The following SLC24A2 variants were observed in gnomAD, a reference collection of about 807,000 sequenced individuals.
SLC24A2 encodes sodium/potassium/calcium exchanger 2.
In SLC24A2, 36 loss-of-function variants were observed where a neutral mutation model predicts 62.0. That is an observed-to-expected ratio of 0.58 (90% CI 0.44 to 0.77). The LOEUF (loss-of-function observed/expected upper bound fraction) is 0.77, where lower values mean the gene tolerates loss of function less well. Ranked by LOEUF, SLC24A2 falls within the 30% of genes least tolerant of loss-of-function variation. The pLI, the probability that SLC24A2 is intolerant of heterozygous loss-of-function variation, is 0.00. For synonymous variants in SLC24A2, 358 were observed against 294.0 expected, an observed-to-expected ratio of 1.22 and a Z score of -2.23; for missense variants, 846 against 817.9, an observed-to-expected ratio of 1.03 and a Z score of -0.42.
chr9:20,239,251 C>A, the SLC24A2 span, among the ~76,000 whole-genome samples: 1 of 152,120 alleles, frequency 6.6e-6, no homozygotes, highest in South Asian at 2.1e-4. Context: ...TCAGATAAAT[C>A]ACAAAAAAAT....
the SLC24A2 span, among the ~76,000 whole-genome samples, chr9:19,887,922 T>C: frequency 2.2e-3 from 342 of 152,306 alleles, 2 homozygotes; most frequent in African/African-American, 7.9e-3. Context: ...AAACATTGCA[T>C]GTTCTCACTC....
At chr9:19,925,501 C>G in the SLC24A2 span, among the ~76,000 whole-genome samples, 1 of 152,154 alleles carries the variant, frequency 6.6e-6, no homozygotes, top group East Asian at 1.9e-4. Context: ...CACATTAGTT[C>G]TTGCTGCCAA....
At chr9:19,973,236 A>G in the SLC24A2 span, among the ~76,000 whole-genome samples, 2 of 152,220 alleles carry the variant, frequency 1.3e-5, no homozygotes, top group African/African-American at 2.4e-5. Context: ...AGACACTGCA[A>G]TGTGCAATGC....
chr9:19,979,160 A>T, the SLC24A2 span, among the ~76,000 whole-genome samples: 1 of 152,194 alleles, frequency 6.6e-6, no homozygotes, highest in African/African-American at 2.4e-5. Flanking sequence ...ACCTGACATG[A>T]CAGCCTGTCC....
At chr9:19,969,183 C>CCACACACACACA in the SLC24A2 span, among the ~76,000 whole-genome samples, 2,636 of 122,216 alleles carry the variant, frequency 0.022, 62 homozygotes, top group Admixed American at 0.028. Flanking sequence ...ACCTCCTTTG[C>CCACACACACACA]CACACACACA....
intron 2 of SLC24A2, among the ~76,000 whole-genome samples, chr9:19,692,881 C>G (rs1327595674): frequency 1.3e-5 from 2 of 152,072 alleles, no homozygotes; most frequent in African/African-American, 4.8e-5. Context: ...AGCAAATTGT[C>G]TCATTTTTCA....
At chr9:19,659,383 G>A (rs1303791957) in intron 2 of SLC24A2, among the ~76,000 whole-genome samples, 1 of 152,048 alleles carries the variant, frequency 6.6e-6, no homozygotes, top group Non-Finnish European at 1.5e-5. Context: ...TTCAGTTTGT[G>A]GTACTTTGTT....
At chr9:20,206,913 C>A in the SLC24A2 span, among the ~76,000 whole-genome samples, 2 of 150,022 alleles carry the variant, frequency 1.3e-5, no homozygotes, top group Admixed American at 1.3e-4. Flanking sequence ...TCATAATATT[C>A]CAATGAATAA....
the SLC24A2 span, among the ~76,000 whole-genome samples, chr9:19,826,996 TA>T: frequency 6.6e-6 from 1 of 152,162 alleles, no homozygotes; most frequent in South Asian, 2.1e-4. Context: ...TCTTGATATA[TA>T]GAGACATTTT....
intron 4 of SLC24A2, among the ~76,000 whole-genome samples, chr9:19,615,749 A>C (rs1004917998): frequency 2.0e-5 from 3 of 152,176 alleles, no homozygotes; most frequent in African/African-American, 7.2e-5. Flanking sequence ...TTGCTACAGC[A>C]GGAATACAGT....
Position 19,672,223 on chromosome 9 carries a change from G to A in SLC24A2, c.931-49924C>T, listed in dbSNP as rs1315040722. On this transcript the variant is annotated intron_variant, in intron 2 of 10. Coordinates refer to ENST00000341998, the MANE Select transcript of SLC24A2 (RefSeq NM_020344.4). Reference sequence around the variant, plus strand: ...AATTACCATTTCATTCTCACTGTTTGTTATTGGTCTGGTTCAGAGTTTATA... The same window carrying A: ...AATTACCATTTCATTCTCACTGTTTATTATTGGTCTGGTTCAGAGTTTATA... 2.1e-5 allele frequency among the ~76,000 whole-genome samples: 3 copies of A among 146,252 alleles called. No homozygotes were observed. In the South Asian group the frequency reaches 6.5e-4, roughly 31 times the overall value.
chr9:19,925,478 G>A, the SLC24A2 span, among the ~76,000 whole-genome samples: 1 of 152,130 alleles, frequency 6.6e-6, no homozygotes, highest in African/African-American at 2.4e-5. Flanking sequence ...GTGTATATAT[G>A]TTTTATTCTT....
At chr9:20,073,033 A>T in the SLC24A2 span, among the ~76,000 whole-genome samples, 178 of 152,298 alleles carry the variant, frequency 1.2e-3, 2 homozygotes, top group East Asian at 0.017. Context: ...ATTTAATTTT[A>T]CTATGGTTGT....
At chr9:19,534,226 G>C (rs1313187575) in intron 8 of SLC24A2, among the ~76,000 whole-genome samples, 1 of 152,204 alleles carries the variant, frequency 6.6e-6, no homozygotes, top group Non-Finnish European at 1.5e-5. Flanking sequence ...CAGGGGACTT[G>C]GGTTCAAATC....
At chr9:19,787,178 A>T (rs945189557) in intron 1 of SLC24A2, among the ~76,000 whole-genome samples, 159 bp from the exon 2 acceptor site, 9 of 152,346 alleles carry the variant, frequency 5.9e-5, no homozygotes, top group Admixed American at 4.6e-4. Context: ...AAATGGGGAC[A>T]ATTACGGTAC....
the SLC24A2 span, among the ~76,000 whole-genome samples, chr9:19,940,224 G>A: frequency 6.6e-6 from 1 of 152,222 alleles, no homozygotes; most frequent in East Asian, 1.9e-4. Flanking sequence ...GAGGCATCTG[G>A]TAGCTCTTGA....
chr9:19,898,954 C>T, the SLC24A2 span, among the ~76,000 whole-genome samples: 2 of 152,228 alleles, frequency 1.3e-5, no homozygotes, highest in South Asian at 4.1e-4. Flanking sequence ...AATATCCAAA[C>T]TATACTATGG....
intron 2 of SLC24A2, among the ~76,000 whole-genome samples, chr9:19,676,193 C>T (rs1228725663): frequency 6.6e-6 from 1 of 152,218 alleles, no homozygotes; most frequent in Admixed American, 6.5e-5. Context: ...CCCTTTCACA[C>T]TTTCACACTT....
At chr9:20,292,374 G>T in the SLC24A2 span, among the ~76,000 whole-genome samples, 1 of 152,118 alleles carries the variant, frequency 6.6e-6, no homozygotes, top group African/African-American at 2.4e-5. Flanking sequence ...GTAGGAGAGG[G>T]AAAAAAGAAG....
Sources: gnomAD v4.1 joint callset for allele counts (sites outside exome capture counted in the v4.1 genomes callset) on GRCh38, gnomAD v4.1.1 for gene constraint, MANE v1.5 for transcripts, NCBI Gene and HGNC (gene_info 2026-07-23, HGNC 2026-07-21) for gene names.